The following MYO16 variants were observed in gnomAD, a reference collection of about 807,000 sequenced individuals.
MYO16 encodes the protein unconventional myosin-XVI.
A neutral mutation model predicts 205.3 loss-of-function variants in MYO16; 94 were observed. The ratio of observed to expected loss-of-function variants is 0.46; its 90% CI spans 0.39 to 0.54. The LOEUF is 0.54. Ranked by LOEUF, MYO16 falls within the 20% of genes least tolerant of loss-of-function variation. MYO16 has a pLI of 0.00. For synonymous variants in MYO16, 988 were observed against 954.0 expected, an observed-to-expected ratio of 1.04 and a Z score of -0.66; for missense variants, 2,315 against 2,387.5, an observed-to-expected ratio of 0.97 and a Z score of 0.63.
At chr13:109,048,608 T>C (rs1887131992) in intron 24 of MYO16, 1 of 352,808 alleles carries the variant, frequency 2.8e-6, no homozygotes, top group African/African-American at 2.1e-5. Flanking sequence ...CCATGATTGC[T>C]CACTCACTCT....
chr13:108,592,029 A>G (rs1566495016), upstream of MYO16, among the ~76,000 whole-genome samples: 3 of 148,862 alleles, frequency 2.0e-5, no homozygotes, highest in Admixed American at 2.0e-4. Flanking sequence ...TTTTAAAGAC[A>G]TAAGATTAAA....
chr13:109,134,122 C>A (rs1876661478), intron 31 of MYO16, among the ~76,000 whole-genome samples: 1 of 152,114 alleles, frequency 6.6e-6, no homozygotes, highest in African/African-American at 2.4e-5. Flanking sequence ...AGGCATTAAG[C>A]TAAGTATCTT....
intron 4 of MYO16, among the ~76,000 whole-genome samples, chr13:108,766,241 T>A (rs1226265177): frequency 6.6e-6 from 1 of 152,236 alleles, no homozygotes; most frequent in Admixed American, 6.5e-5. Context: ...CCTTTGCTTC[T>A]TGATCACGAA....
chr13:108,830,075 A>C (rs1458849608), intron 9 of MYO16, among the ~76,000 whole-genome samples: 3 of 136,548 alleles, frequency 2.2e-5, no homozygotes, highest in Non-Finnish European at 4.8e-5. Context: ...ATCTCACACC[A>C]GTTAGAATGG....
the MYO16 span, among the ~76,000 whole-genome samples, chr13:108,521,226 G>A: frequency 6.6e-6 from 1 of 152,346 alleles, no homozygotes; most frequent in East Asian, 1.9e-4. Flanking sequence ...GAAAGTGTTA[G>A]AGAAATTTAG....
intron 4 of MYO16, among the ~76,000 whole-genome samples, chr13:108,762,200 T>C (rs1453008268): frequency 1.3e-5 from 2 of 152,322 alleles, no homozygotes; most frequent in East Asian, 1.9e-4. Flanking sequence ...CTAAGTAGTA[T>C]TCCATCGTCT....
At chr13:108,634,870 A>T (rs924873261) in intron 1 of MYO16, among the ~76,000 whole-genome samples, 1 of 152,072 alleles carries the variant, frequency 6.6e-6, no homozygotes, top group Non-Finnish European at 1.5e-5. Context: ...TTTAAGCATC[A>T]TCTATATTTT....
At chr13:109,059,073 T>C (rs774860362) in intron 27 of MYO16, among the ~76,000 whole-genome samples, 2 of 149,356 alleles carry the variant, frequency 1.3e-5, no homozygotes, top group Non-Finnish European at 2.9e-5. Flanking sequence ...GGTTCTATTG[T>C]TGTTTCCACC....
chr13:108,814,981 A>G (rs1371669819), intron 7 of MYO16, among the ~76,000 whole-genome samples: 1 of 152,232 alleles, frequency 6.6e-6, no homozygotes, highest in Admixed American at 6.5e-5. Context: ...GAGAAAGGAT[A>G]ATGAAAATAG....
At position 108,955,939 on chromosome 13, in the gene MYO16, C is replaced by A. The variant is rs575334320; in HGVS notation, c.1926-1749C>A. On this transcript the variant is annotated intron_variant, in intron 16 of 34. Coordinates refer to ENST00000457511, the MANE Select transcript of MYO16 (RefSeq NM_001198950.3). ...TAACATTCTTACTCTGTCCTGGACACGCCATTCTTTCCTCAGCCCTAATTC... is the reference window on the plus strand; with the variant it reads ...TAACATTCTTACTCTGTCCTGGACAAGCCATTCTTTCCTCAGCCCTAATTC... 8.5e-5 allele frequency among the ~76,000 whole-genome samples: 13 copies of A among 152,286 alleles called. No homozygotes were observed. In the South Asian group the frequency reaches 2.7e-3, roughly 32 times the overall value.
At chr13:109,148,328 T>C (rs2139825621) in intron 32 of MYO16, among the ~76,000 whole-genome samples, 1 of 152,344 alleles carries the variant, frequency 6.6e-6, no homozygotes, top group Middle Eastern at 3.4e-3. Flanking sequence ...TCTATATAAA[T>C]GCCCAATAAT....
At chr13:108,909,370 G>A (rs1178963392) in intron 15 of MYO16, among the ~76,000 whole-genome samples, 1 of 152,180 alleles carries the variant, frequency 6.6e-6, no homozygotes, top group East Asian at 1.9e-4. Flanking sequence ...AATAAAAGAA[G>A]ATGACTACAC....
At chr13:108,675,488 T>C (rs1244853931) in intron 2 of MYO16, among the ~76,000 whole-genome samples, 1 of 152,230 alleles carries the variant, frequency 6.6e-6, no homozygotes, top group Admixed American at 6.5e-5. Flanking sequence ...CACAAATTCA[T>C]ATTTCTAAGA....
rs145251884 is a variant in MYO16, at chr13:109,058,502, T to C, written c.3335+2907T>C. ...GGTTTCCCGCTGCATATAAAAGTTA[T>C]ATTTGCACTATCCTATAATCTGTTC... On this transcript the variant is annotated intron_variant, in intron 27 of 34. Transcript: ENST00000457511. Among the ~76,000 whole-genome samples, 560 of 152,336 alleles carry C rather than the reference T, an allele frequency of 3.7e-3. 19 individuals carry two copies. The South Asian group carries it at 0.054, about 15-fold the overall frequency.
intron 4 of MYO16, among the ~76,000 whole-genome samples, chr13:108,767,327 C>T (rs1885813674): frequency 1.3e-5 from 2 of 152,180 alleles, no homozygotes; most frequent in Non-Finnish European, 2.9e-5. Context: ...CGGTCTCGAT[C>T]TCCTGACCTC....
chr13:108,814,756 C>G (rs1387072380), intron 7 of MYO16, among the ~76,000 whole-genome samples: 1 of 151,954 alleles, frequency 6.6e-6, no homozygotes, highest in Non-Finnish European at 1.5e-5. Flanking sequence ...TATTGAAAAC[C>G]TAATTATTTT....
At chr13:108,783,815 C>T (rs1886377441) in intron 4 of MYO16, among the ~76,000 whole-genome samples, 2 of 152,164 alleles carry the variant, frequency 1.3e-5, no homozygotes, top group South Asian at 4.1e-4. Context: ...TAAGAAGTGC[C>T]TTTCGCCTCC....
At chr13:108,909,936 T>C in intron 15 of MYO16, 67 bp from the exon 16 acceptor site, 1 of 1,427,220 alleles carries the variant, frequency 7.0e-7, no homozygotes, top group East Asian at 2.3e-5. Context: ...TTAATTAATA[T>C]GTGTTAATTT....
Position 108,861,715 on chromosome 13 carries a change from A to G in MYO16, c.1360-4462A>G, listed in dbSNP as rs117088071. On this transcript the variant is annotated intron_variant, in intron 11 of 34. Transcript: ENST00000457511. ...TTTCTCTGATTTAACAAATGAAAAT[A>G]TTAATATGTGTTTGTTGTTCATTTG... Among the ~76,000 whole-genome samples the G allele has an allele frequency of 2.6e-5, 4 of 152,308 alleles. No individual in the cohort carries two copies. The East Asian group carries it at 7.7e-4, about 29-fold the overall frequency.
Sources: gnomAD v4.1 joint callset for allele counts (sites outside exome capture counted in the v4.1 genomes callset) on GRCh38, gnomAD v4.1.1 for gene constraint, MANE v1.5 for transcripts, NCBI Gene and HGNC (gene_info 2026-07-23, HGNC 2026-07-21) for gene names.